RPS6KA2: variants seen among roughly 807,000 people sequenced by gnomAD.
RPS6KA2 encodes the protein ribosomal protein S6 kinase alpha-2.
RPS6KA2 carries 42 observed loss-of-function variants against 91.8 expected under a neutral mutation model. The observed-to-expected ratio is 0.46, with a 90% confidence interval of 0.36 to 0.59. RPS6KA2 has a LOEUF of 0.59. Among genes scored for constraint, RPS6KA2 ranks in the 20% least tolerant of loss-of-function variants. The pLI is 0.00. For synonymous variants in RPS6KA2, 414 were observed against 393.6 expected, an observed-to-expected ratio of 1.05 and a Z score of -0.61; for missense variants, 798 against 978.5, an observed-to-expected ratio of 0.82 and a Z score of 2.46.
rs1781667076 is a variant in RPS6KA2 at position 166,493,246 on chromosome 6, G to A, written c.748-2505C>T. Among the ~76,000 whole-genome samples, 1 of 152,114 alleles carries A rather than the reference G, an allele frequency of 6.6e-6. No homozygotes were observed. Among genetic ancestry groups the A allele is most frequent in the South Asian group, 2.1e-4 (1 of 4,830 alleles). On this transcript the variant is annotated intron_variant, in intron 8 of 20. Transcript: ENST00000265678. This position sits in a 1 kb window ranked among gnomAD's most constrained non-coding sequence, Gnocchi z 4.7. ...TGCTGACGGTGGGGATGATGCTGGG[G>A]CGGAGGTGTGGACTTTGCAGCCTCC...
chr6:166,499,807 CAGAACAGACTAATACAGGGACTTTG>C (rs1445603998), intron 7 of RPS6KA2, among the ~76,000 whole-genome samples: 25 of 124,426 alleles, frequency 2.0e-4, no homozygotes, highest in South Asian at 1.6e-3. Flanking sequence ...CAGGGACTTT[CAGAACAGACTAATACAGGGACTTTG>C]AGAACAGACT....
chr6:166,441,766 G>A lies in RPS6KA2; in HGVS notation c.1332+6958C>T, dbSNP rs138512051. Among the ~76,000 whole-genome samples, 238 of 152,366 alleles carry A rather than the reference G, an allele frequency of 1.6e-3. 1 individual carries two copies. The highest frequency in any genetic ancestry group is 5.4e-3 in the African/African-American group (224 of 41,590). On this transcript the variant is annotated intron_variant, in intron 14 of 20. Transcript: ENST00000265678. ...GAGCAGGCTGTGATCCACAGGAGCC[G>A]GGGCTAGTGCTGCCAGTGACCTCGG...
At chr6:166,748,114 T>C (rs1209309253) in intron 2 of RPS6KA2, among the ~76,000 whole-genome samples, 1 of 152,176 alleles carries the variant, frequency 6.6e-6, no homozygotes, top group Non-Finnish European at 1.5e-5. Flanking sequence ...CCTGTCACTT[T>C]TGTATAGACT....
rs564234607 is a variant in RPS6KA2, at chr6:166,723,415, C to G, written c.123+134785G>C. On this transcript the variant is annotated intron_variant, in intron 2 of 21. Coordinates refer to the RPS6KA2 transcript ENST00000503859. ...ACCGCCTTCCTTACCCCTGGGGGGT[C>G]CCACACGTGTGCACTACCTTCTTCA... is the stretch of plus-strand genomic sequence containing the variant. Among the ~76,000 whole-genome samples the G allele has an allele frequency of 2.3e-4, 35 of 151,988 alleles. No individual in the cohort carries two copies. In the South Asian group the frequency reaches 7.3e-3, roughly 32 times the overall value.
intron 2 of RPS6KA2, among the ~76,000 whole-genome samples, chr6:166,764,128 G>A (rs753678149): frequency 6.6e-6 from 1 of 152,176 alleles, no homozygotes; most frequent in Non-Finnish European, 1.5e-5. Flanking sequence ...AGGACCACGC[G>A]GTGCTGGGAC....
chr6:166,702,552 C>CT (rs1380248153), intron 2 of RPS6KA2: 1 of 1,435,066 alleles, frequency 7.0e-7, no homozygotes. Context: ...AACTATCCAG[C>CT]ACCTCCCACT....
At chr6:166,674,397 G>T (rs899681462) in intron 2 of RPS6KA2, among the ~76,000 whole-genome samples, 1 of 152,146 alleles carries the variant, frequency 6.6e-6, no homozygotes, top group African/African-American at 2.4e-5. Context: ...TGGGGACCAC[G>T]CTAAACCGTG....
chr6:166,750,275 G>C (rs535457904), intron 2 of RPS6KA2, among the ~76,000 whole-genome samples: 1 of 147,784 alleles, frequency 6.8e-6, no homozygotes, highest in Non-Finnish European at 1.5e-5. Flanking sequence ...TTCTCCCCTG[G>C]GGGGGTGCTC....
intron 8 of RPS6KA2, among the ~76,000 whole-genome samples, chr6:166,496,340 C>T (rs1583206428): frequency 6.7e-6 from 1 of 148,852 alleles, no homozygotes; most frequent in African/African-American, 2.5e-5. Context: ...CAGAATGAGA[C>T]TCCATCTCAA....
At chr6:166,575,186 A>G (rs1784802607) in intron 1 of RPS6KA2, among the ~76,000 whole-genome samples, 1 of 152,196 alleles carries the variant, frequency 6.6e-6, no homozygotes, top group Non-Finnish European at 1.5e-5. Flanking sequence ...AGCACATTGG[A>G]GGAAAGATTT....
intron 2 of RPS6KA2, among the ~76,000 whole-genome samples, chr6:166,672,112 T>A (rs1214525468): frequency 6.6e-6 from 1 of 152,108 alleles, no homozygotes; most frequent in Non-Finnish European, 1.5e-5. Flanking sequence ...TAAAGTCTAC[T>A]TGGAAAAAAT....
chr6:166,682,138 T>A (rs1045429356), intron 2 of RPS6KA2, among the ~76,000 whole-genome samples: 3 of 152,242 alleles, frequency 2.0e-5, no homozygotes, highest in African/African-American at 7.2e-5. Flanking sequence ...TGTTGAAATA[T>A]GTTTCAGAAT....
rs554400241 is a variant in RPS6KA2 at position 166,437,383 on chromosome 6, C to A, written c.1333-4893G>T. 6.6e-6 allele frequency among the ~76,000 whole-genome samples: 1 copy of A among 152,230 alleles called. No homozygotes were observed. Among genetic ancestry groups the A allele is most frequent in the Non-Finnish European group, 1.5e-5 (1 of 68,040 alleles). ...CAACAAAACAGGGAGGCCTTCTCAG[C>A]AAGCGTGGTGATGAACAAGGCCTCC... On this transcript the variant is annotated intron_variant, in intron 14 of 20. Coordinates refer to ENST00000265678, the MANE Select transcript of RPS6KA2 (RefSeq NM_021135.6). This position sits in a 1 kb window ranked among gnomAD's most constrained non-coding sequence, Gnocchi z 4.3.
At chr6:166,588,529 G>A (rs1224796926) in intron 1 of RPS6KA2, among the ~76,000 whole-genome samples, 2 of 152,140 alleles carry the variant, frequency 1.3e-5, no homozygotes, top group African/African-American at 2.4e-5. Context: ...CTTGCAGCAC[G>A]TCGCTGAGAC....
At chr6:166,744,397 C>T (rs11753453) in intron 2 of RPS6KA2, among the ~76,000 whole-genome samples, 20,965 of 152,078 alleles carry the variant, frequency 0.14, 1,677 homozygotes, top group Admixed American at 0.18. Context: ...CCCGGGGAGT[C>T]GGAGGGGAAT....
At chr6:166,611,888 C>T (rs1786191744) in intron 1 of RPS6KA2, among the ~76,000 whole-genome samples, 1 of 152,234 alleles carries the variant, frequency 6.6e-6, no homozygotes, top group African/African-American at 2.4e-5. Flanking sequence ...GAGCTCATCC[C>T]TGTGACCAGG....
chr6:166,737,384 G>A lies in RPS6KA2; in HGVS notation c.123+120816C>T, dbSNP rs1023760841. Reference sequence around the variant, plus strand: ...CAGTTTGCTTTTCACTCTAAAAAGTGCTTAATTGTCTCCCTTAGATTTGTA... The same window carrying A: ...CAGTTTGCTTTTCACTCTAAAAAGTACTTAATTGTCTCCCTTAGATTTGTA... On this transcript the variant is annotated intron_variant, in intron 2 of 21. Transcript: ENST00000503859. The surrounding 1 kb of genome is among the most constrained non-coding windows in gnomAD (Gnocchi z 4.3). Among the ~76,000 whole-genome samples the A allele has an allele frequency of 6.6e-6, 1 of 152,186 alleles. No homozygotes were observed. Among genetic ancestry groups the A allele is most frequent in the Non-Finnish European group, 1.5e-5 (1 of 68,038 alleles).
chr6:166,691,698 T>C (rs1238490328), intron 2 of RPS6KA2, among the ~76,000 whole-genome samples: 5 of 152,216 alleles, frequency 3.3e-5, no homozygotes, highest in African/African-American at 1.2e-4. Context: ...ATATGTGACA[T>C]TTTCTAAGGC....
intron 2 of RPS6KA2, chr6:166,702,228 G>A: frequency 6.2e-7 from 1 of 1,611,332 alleles, no homozygotes; most frequent in Non-Finnish European, 8.5e-7. Context: ...GTGGGAACCA[G>A]CAGGCACAGA....
Sources: gnomAD v4.1 joint callset for allele counts (sites outside exome capture counted in the v4.1 genomes callset) on GRCh38, gnomAD v4.1.1 for gene constraint, Gnocchi (gnomAD v3.1) non-coding constraint, MANE v1.5 for transcripts, NCBI Gene and HGNC (gene_info 2026-07-23, HGNC 2026-07-21) for gene names.